The following FRAS1 variants were observed in gnomAD, a reference collection of about 807,000 sequenced individuals.
FRAS1 encodes the protein Fraser extracellular matrix complex subunit 1.
A neutral mutation model predicts 435.2 loss-of-function variants in FRAS1; 290 were observed. The observed-to-expected ratio is 0.67, with a 90% CI of 0.61 to 0.73. The LOEUF is 0.73. Among genes scored for constraint, FRAS1 ranks in the 30% least tolerant of loss-of-function variants. The pLI is 0.00. For synonymous variants in FRAS1, 1,800 were observed against 1,851.0 expected (o/e 0.97, Z 0.71); for missense variants, 4,860 against 5,001.5 (o/e 0.97, Z 0.85).
chr4:78,354,253 A>G (rs1408463532), intron 20 of FRAS1, among the ~76,000 whole-genome samples: 1 of 152,200 alleles, frequency 6.6e-6, no homozygotes, highest in Non-Finnish European at 1.5e-5. Flanking sequence ...TCACTGCCCT[A>G]TAACATGAAG....
At chr4:78,114,536 G>A (rs947217608) in intron 2 of FRAS1, among the ~76,000 whole-genome samples, 2 of 152,070 alleles carry the variant, frequency 1.3e-5, no homozygotes, top group African/African-American at 2.4e-5. Flanking sequence ...TCTTGAAGAG[G>A]TCCTTCATGT....
At chr4:78,506,425 C>T (rs769816632) in intron 61 of FRAS1, among the ~76,000 whole-genome samples, 8 of 152,302 alleles carry the variant, frequency 5.3e-5, no homozygotes, top group Non-Finnish European at 8.8e-5. Flanking sequence ...GCTTCCCAGC[C>T]GCTTTGTTTA....
At chr4:78,522,588 T>C (rs1362404819) in intron 68 of FRAS1, 61 bp from the exon 69 acceptor site, 1 of 1,387,500 alleles carries the variant, frequency 7.2e-7, no homozygotes, top group African/African-American at 1.4e-5. Context: ...CTCTACCAGG[T>C]ACAGTCAAAC....
At position 78,537,072 on chromosome 4, in the gene FRAS1, G is replaced by A; in HGVS notation, c.11170G>A (p.Val3724Ile). The A allele has an allele frequency of 6.2e-7, 1 of 1,614,046 alleles. No individual in the cohort carries two copies. Among genetic ancestry groups the A allele is most frequent in the South Asian group, 1.1e-5 (1 of 91,084 alleles). The change falls in exon 72 of 74, where the codon GTC becomes ATC. Residue 3724 changes from valine (V) to isoleucine (I), a missense_variant. Val to Ile is a conservative substitution (Grantham distance 29). Coordinates refer to ENST00000512123, the MANE Select transcript of FRAS1 (RefSeq NM_025074.7). Reference protein sequence around the residue: ...NSAYKLQLEKVYLCTGKDGYV... With the variant: ...NSAYKLQLEKIYLCTGKDGYV... Reference sequence around the variant, plus strand: ...TGCTTACAAACTCCAGCTGGAGAAAGTCTATCTTTGTACGGGCAAGGATGG... The same window carrying A: ...TGCTTACAAACTCCAGCTGGAGAAAATCTATCTTTGTACGGGCAAGGATGG...
chr4:78,286,565 G>T (rs200229087), intron 14 of FRAS1, 26 bp downstream of exon 14: 26 of 1,606,954 alleles, frequency 1.6e-5, no homozygotes, highest in Non-Finnish European at 4.2e-6. Context: ...GCCACAGTTG[G>T]GCCAGCTACC....
intron 49 of FRAS1, among the ~76,000 whole-genome samples, chr4:78,465,887 G>A (rs1026781203): frequency 1.2e-4 from 19 of 152,202 alleles, no homozygotes; most frequent in African/African-American, 4.6e-4. Flanking sequence ...AGATGTAGGG[G>A]AAGGAAATGA....
At chr4:78,087,123 C>A (rs544292644) in intron 2 of FRAS1, among the ~76,000 whole-genome samples, 1 of 152,048 alleles carries the variant, frequency 6.6e-6, no homozygotes, top group African/African-American at 2.4e-5. Context: ...GTTCAACATA[C>A]AAAAATCAAT....
intron 36 of FRAS1, 93 bp from the exon 37 acceptor site, chr4:78,430,199 A>G: frequency 6.8e-6 from 10 of 1,477,506 alleles, no homozygotes; most frequent in Non-Finnish European, 9.4e-6. Flanking sequence ...TACCCACAGC[A>G]TGACTCCTAG....
intron 16 of FRAS1, 102 bp from the exon 17 acceptor site, chr4:78,317,266 C>T: frequency 7.5e-7 from 1 of 1,334,654 alleles, no homozygotes; most frequent in Non-Finnish European, 1.1e-6. Flanking sequence ...GGTGTGACAT[C>T]CACAGGGGAC....
chr4:78,527,863 G>A lies in FRAS1; in HGVS notation c.10925+1206G>A, dbSNP rs1374931410. On this transcript the variant is annotated intron_variant, in intron 70 of 73. Coordinates refer to ENST00000512123, the MANE Select transcript of FRAS1 (RefSeq NM_025074.7). ...TGCTGGTGGGAATAATCCAATCGAG[G>A]GGAAAGTTGATGATGCAGGGGATAG... 3.9e-5 allele frequency among the ~76,000 whole-genome samples: 6 copies of A among 152,082 alleles called. No homozygotes were observed. The South Asian group carries it at 1.0e-3, about 26-fold the overall frequency.
chr4:78,241,990 A>G (rs1725021147), intron 3 of FRAS1, among the ~76,000 whole-genome samples: 1 of 152,100 alleles, frequency 6.6e-6, no homozygotes, highest in Non-Finnish European at 1.5e-5. Context: ...GGAATCAGAG[A>G]GCATGAACTC....
chr4:78,404,675 A>G (rs1283866405), intron 30 of FRAS1, among the ~76,000 whole-genome samples: 5 of 152,092 alleles, frequency 3.3e-5, no homozygotes, highest in African/African-American at 1.2e-4. Flanking sequence ...GTCAAGTTCC[A>G]TTGCTCCCAC....
At chr4:78,074,854 C>T (rs908220249) in intron 2 of FRAS1, among the ~76,000 whole-genome samples, 22 of 152,100 alleles carry the variant, frequency 1.4e-4, no homozygotes, top group African/African-American at 2.7e-4. Context: ...ATCTTTTAAC[C>T]GATAAGCTAA....
At chr4:78,244,727 T>C (rs1266226085) in intron 3 of FRAS1, among the ~76,000 whole-genome samples, 1 of 152,188 alleles carries the variant, frequency 6.6e-6, no homozygotes, top group Non-Finnish European at 1.5e-5. Flanking sequence ...AGTGTGTATA[T>C]ATGATACCTC....
At position 78,127,792 on chromosome 4, in the gene FRAS1, G is replaced by A. The variant is rs551530020; in HGVS notation, c.108+61776G>A. ...ACTTTAAGTTTTAGGGTACATGTGC[G>A]CAACGTGCAGGTTTGTTACATATGT... On this transcript the variant is annotated intron_variant, in intron 2 of 73. Coordinates refer to ENST00000512123, the MANE Select transcript of FRAS1 (RefSeq NM_025074.7). Among the ~76,000 whole-genome samples, 83 of 151,304 alleles carry A rather than the reference G, an allele frequency of 5.5e-4. 2 individuals are homozygous for A. The highest frequency in any genetic ancestry group is 7.3e-4 in the African/African-American group (30 of 41,240).
rs373987655 is a variant in FRAS1 at position 78,466,328 on chromosome 4, C to G, written c.7150C>G (p.Arg2384Gly). The part of the protein sequence containing the change: ...TFTMKDIYQN[R>G]VSYSHDGSNS... ...CACCATGAAAGATATCTACCAGAAC[C>G]GGGTCAGCTACAGCCATGACGGCAG... Residue 2384 changes from arginine (R) to glycine (G), a missense_variant, in exon 50 of 74, where the codon CGG becomes GGG. By Grantham distance (125) the Arg-to-Gly change is moderately radical (BLOSUM62 -2). Coordinates refer to ENST00000512123, the MANE Select transcript of FRAS1 (RefSeq NM_025074.7). The G allele has an allele frequency of 1.2e-6, 2 of 1,613,848 alleles. No individual in the cohort carries two copies. The highest frequency in any genetic ancestry group is 4.5e-5 in the East Asian group (2 of 44,872).
At chr4:78,081,285 T>C (rs1578110528) in intron 2 of FRAS1, among the ~76,000 whole-genome samples, 1 of 152,196 alleles carries the variant, frequency 6.6e-6, no homozygotes, top group African/African-American at 2.4e-5. Flanking sequence ...CATATCTGTG[T>C]TGTTTGCTAC....
chr4:78,478,062 G>A lies in FRAS1; in HGVS notation c.8098+1G>A, dbSNP rs376088537. ...CTGTTTGCACCTATTGAAAGAAAAG[G>A]TCTGTTGGTTCCACAGGTGACAAAG... On this transcript the variant is annotated splice_donor_variant, in intron 55 of 73. Coordinates refer to ENST00000512123, the MANE Select transcript of FRAS1 (RefSeq NM_025074.7). LOFTEE classifies it high-confidence loss of function. 1.3e-6 allele frequency: 2 copies of A among 1,556,602 alleles called. No homozygotes were observed. Among genetic ancestry groups the A allele is most frequent in the African/African-American group, 1.4e-5 (1 of 73,408 alleles).
rs1044330601 is a variant in FRAS1 at position 78,537,137 on chromosome 4, T to G, written c.11235T>G (p.Asn3745Lys). The G allele has an allele frequency of 6.2e-7, 1 of 1,614,012 alleles. No individual in the cohort carries two copies. The highest frequency in any genetic ancestry group is 1.6e-4 in the Middle Eastern group (1 of 6,062). ...PFFDPTGTIY[N>K]EGPQYGCIQP... ...TTGATCCCACGGGGACAATCTACAA[T>G]GAAGGGCCCCAGTATGGATGCATTC... is the stretch of plus-strand genomic sequence containing the variant. The change falls in exon 72 of 74, where the codon AAT (asparagine) becomes AAG (lysine). Residue 3745 changes from asparagine (N) to lysine (K), a missense_variant. Coordinates refer to ENST00000512123, the MANE Select transcript of FRAS1 (RefSeq NM_025074.7).
Sources: gnomAD v4.1 joint callset for allele counts (sites outside exome capture counted in the v4.1 genomes callset) on GRCh38, gnomAD v4.1.1 for gene constraint, MANE v1.5 for transcripts, NCBI Gene and HGNC (gene_info 2026-07-23, HGNC 2026-07-21) for gene names.